The following FCHSD2 variants were observed in gnomAD, a reference collection of about 807,000 sequenced individuals.
FCHSD2 encodes F-BAR and double SH3 domains protein 2.
In FCHSD2, 38 loss-of-function variants were observed where a neutral mutation model predicts 108.1. The observed-to-expected ratio is 0.35, with a 90% CI of 0.27 to 0.46. The LOEUF (loss-of-function observed/expected upper bound fraction) is 0.46, where lower values mean the gene tolerates loss of function less well. Among genes scored for constraint, FCHSD2 ranks in the 20% least tolerant of loss-of-function variants. FCHSD2 has a pLI of 1.00. For missense variants in FCHSD2, 751 were observed against 897.8 expected, an observed-to-expected ratio of 0.84 and a Z score of 2.09; for synonymous variants, 279 against 314.7, an observed-to-expected ratio of 0.89 and a Z score of 1.20.
intron 5 of FCHSD2, among the ~76,000 whole-genome samples, chr11:72,997,755 C>T (rs746804866): frequency 1.3e-5 from 2 of 152,182 alleles, no homozygotes; most frequent in Non-Finnish European, 2.9e-5. Context: ...GGCTGGAGTG[C>T]AGTGGCACGA....
At position 72,954,196 on chromosome 11, in the gene FCHSD2, A is replaced by AATTTTTTTTTT. The variant is rs1565339614; in HGVS notation, c.705+29891_705+29892insAAAAAAAAAAT. Reference sequence around the variant, plus strand: ...TAGAATATTAGCAGTAGATGTGGGGATTTTTTTTTTTTTTTTTTTTTTTTT... The same window carrying AATTTTTTTTTT: ...TAGAATATTAGCAGTAGATGTGGGGAATTTTTTTTTTTTTTTTTTTTTTTTTTTTTTTTTTT... On this transcript the variant is annotated intron_variant, in intron 8 of 19. Coordinates refer to ENST00000409418, the MANE Select transcript of FCHSD2 (RefSeq NM_014824.3). 7.2e-5 allele frequency among the ~76,000 whole-genome samples: 8 copies of AATTTTTTTTTT among 111,702 alleles called. 3 individuals carry two copies. Among genetic ancestry groups the AATTTTTTTTTT allele is most frequent in the Non-Finnish European group, 9.0e-5 (5 of 55,680 alleles). 73.3% of individuals were successfully genotyped at this position (111,702 alleles called of 152,430 possible). A position where few individuals can be genotyped will look rare whatever the true frequency, so the allele number is the denominator to read the frequency against.
chr11:73,051,068 C>T (rs1362183318), intron 3 of FCHSD2, among the ~76,000 whole-genome samples: 1 of 152,172 alleles, frequency 6.6e-6, no homozygotes, highest in African/African-American at 2.4e-5. Context: ...GTAATCCCAA[C>T]ATTTTGGGAG....
intron 8 of FCHSD2, among the ~76,000 whole-genome samples, chr11:72,980,706 ATGTATATATATGTATG>A (rs1481243270): frequency 7.4e-5 from 11 of 148,728 alleles, no homozygotes; most frequent in Admixed American, 2.0e-4. Context: ...TAATGTATGT[ATGTATATATATGTATG>A]TGTATATATA....
chr11:73,139,812 T>C (rs1861205396), intron 2 of FCHSD2, among the ~76,000 whole-genome samples: 1 of 152,244 alleles, frequency 6.6e-6, no homozygotes, highest in African/African-American at 2.4e-5. Flanking sequence ...AGGTCCTTGT[T>C]TTTTCTGAAT....
At chr11:72,855,552 AACTTAC>A (rs773317946) in intron 13 of FCHSD2, among the ~76,000 whole-genome samples, 27 of 152,224 alleles carry the variant, frequency 1.8e-4, no homozygotes, top group Non-Finnish European at 3.2e-4. Context: ...AATGCCACTA[AACTTAC>A]ACTTAAAGTG....
At chr11:72,961,092 G>C (rs1856810561) in intron 8 of FCHSD2, among the ~76,000 whole-genome samples, 1 of 152,170 alleles carries the variant, frequency 6.6e-6, no homozygotes, top group Admixed American at 6.5e-5. Context: ...CGCCAACATT[G>C]TGACTTTTCA....
Position 72,853,691 on chromosome 11 carries a change from A to G in FCHSD2, c.1309-3802T>C, listed in dbSNP as rs537603785. Among the ~76,000 whole-genome samples, 18 of 152,306 alleles carry G rather than the reference A, an allele frequency of 1.2e-4. No individual in the cohort carries two copies. In the East Asian group the frequency reaches 3.3e-3, roughly 28 times the overall value. ...CAATGAGTTTTTTAAATATGATACCAAGAGCATAGGCAACAAAAGAAAAAA... is the reference window on the plus strand; with the variant it reads ...CAATGAGTTTTTTAAATATGATACCGAGAGCATAGGCAACAAAAGAAAAAA... On this transcript the variant is annotated intron_variant, in intron 13 of 19. Coordinates refer to ENST00000409418, the MANE Select transcript of FCHSD2 (RefSeq NM_014824.3).
chr11:73,011,000 C>T (rs1857850302), intron 4 of FCHSD2, among the ~76,000 whole-genome samples: 1 of 152,094 alleles, frequency 6.6e-6, no homozygotes, highest in Non-Finnish European at 1.5e-5. Context: ...AGCTCAGTCT[C>T]CAAGCCTGCA....
chr11:73,099,940 C>T (rs1312224181), intron 2 of FCHSD2, among the ~76,000 whole-genome samples: 2 of 152,226 alleles, frequency 1.3e-5, no homozygotes, highest in African/African-American at 4.8e-5. Context: ...TGAGGCCTTT[C>T]CCGAGCTCTA....
At chr11:72,999,945 G>A (rs1338151971) in intron 5 of FCHSD2, among the ~76,000 whole-genome samples, 1 of 151,862 alleles carries the variant, frequency 6.6e-6, no homozygotes, top group Non-Finnish European at 1.5e-5. Context: ...TGATCACATA[G>A]GTTACTCACT....
At chr11:73,032,767 G>A (rs1450415986) in intron 3 of FCHSD2, among the ~76,000 whole-genome samples, 2 of 152,068 alleles carry the variant, frequency 1.3e-5, no homozygotes, top group East Asian at 1.9e-4. Context: ...GGTGCAAGTG[G>A]GAACATAGCC....
At position 72,838,204 on chromosome 11, in the gene FCHSD2, T is replaced by A. The variant is rs1034847388; in HGVS notation, c.*587A>T. 6.5e-6 allele frequency: 1 copy of A among 152,782 alleles called. No homozygotes were observed. Among genetic ancestry groups the A allele is most frequent in the Admixed American group, 6.5e-5 (1 of 15,374 alleles). 9.5% of individuals were successfully genotyped at this position (152,782 alleles called of 1,614,324 possible). A position where few individuals can be genotyped will look rare whatever the true frequency, so the allele number is the denominator to read the frequency against. On this transcript the variant is annotated 3_prime_UTR_variant, in exon 20 of 20. Transcript: ENST00000409418. ...AAGTCTGTTAGTTGTGGAAGAGATG[T>A]GCGTTAATGCAATTGGTGCTAAATT...
At chr11:72,902,491 A>C (rs1037670961) in intron 10 of FCHSD2, 52 bp downstream of exon 10, 12 of 1,260,848 alleles carry the variant, frequency 9.5e-6, no homozygotes, top group Non-Finnish European at 1.2e-5. Flanking sequence ...CTGTTACTTA[A>C]GCACAAACAC....
At chr11:72,928,143 T>G (rs898733014) in intron 8 of FCHSD2, among the ~76,000 whole-genome samples, 1 of 151,868 alleles carries the variant, frequency 6.6e-6, no homozygotes, top group African/African-American at 2.4e-5. Flanking sequence ...GGATAATGAG[T>G]ACGTGGGGGT....
intron 2 of FCHSD2, among the ~76,000 whole-genome samples, chr11:73,090,394 T>G (rs1422723025): frequency 6.6e-6 from 1 of 151,844 alleles, no homozygotes; most frequent in Non-Finnish European, 1.5e-5. Context: ...CCCAGCTAAT[T>G]TTTTGTATTT....
intron 4 of FCHSD2, among the ~76,000 whole-genome samples, chr11:73,005,585 T>C (rs1271697029): frequency 1.3e-5 from 2 of 152,234 alleles, no homozygotes; most frequent in Admixed American, 6.5e-5. Context: ...CCCAGGCTTC[T>C]TCTCTTCTCT....
chr11:72,915,124 G>A (rs1021146765), intron 9 of FCHSD2, among the ~76,000 whole-genome samples: 12 of 151,234 alleles, frequency 7.9e-5, no homozygotes. Context: ...ACATACATGT[G>A]GCCAGCAATC....
At chr11:73,030,970 TATACAC>T (rs796209851) in intron 3 of FCHSD2, among the ~76,000 whole-genome samples, 7 of 151,924 alleles carry the variant, frequency 4.6e-5, no homozygotes, top group African/African-American at 1.7e-4. Context: ...GAAACTGTAG[TATACAC>T]ATACACATAC....
intron 3 of FCHSD2, among the ~76,000 whole-genome samples, chr11:73,019,220 AAGC>A (rs901946194): frequency 6.6e-5 from 10 of 152,344 alleles, no homozygotes; most frequent in African/African-American, 1.7e-4. Flanking sequence ...TTAAGACAGA[AAGC>A]AGAATGACAG....
Sources: gnomAD v4.1 joint callset for allele counts (sites outside exome capture counted in the v4.1 genomes callset) on GRCh38, gnomAD v4.1.1 for gene constraint, MANE v1.5 for transcripts, NCBI Gene and HGNC (gene_info 2026-07-23, HGNC 2026-07-21) for gene names.